Variants in LINGO2 observed in about 807,000 individuals in gnomAD.
LINGO2 encodes the protein leucine-rich repeat and immunoglobulin-like domain-containing nogo receptor-interacting protein 2.
LINGO2 carries 14 observed loss-of-function variants against 30.6 expected under a neutral mutation model. The ratio of observed to expected loss-of-function variants is 0.46; its 90% confidence interval spans 0.30 to 0.72. The LOEUF is 0.72. LINGO2 is among the 30% of genes least tolerant of loss of function. The probability of loss-of-function intolerance (pLI) is 0.07; values close to 1 mark genes in which losing one functional copy is unlikely to be tolerated. For synonymous variants in LINGO2, 317 were observed against 288.5 expected (o/e 1.10, Z -1.00); for missense variants, 729 against 751.7 (o/e 0.97, Z 0.35).
the LINGO2 span, among the ~76,000 whole-genome samples, chr9:28,796,541 CT>C: frequency 2.6e-5 from 4 of 151,934 alleles, no homozygotes; most frequent in Non-Finnish European, 5.9e-5. Flanking sequence ...TGCACTAAAT[CT>C]ATTGAAATGT....
intron 1 of LINGO2, among the ~76,000 whole-genome samples, chr9:28,615,923 T>G (rs1284864028): frequency 6.6e-6 from 1 of 152,164 alleles, no homozygotes; most frequent in African/African-American, 2.4e-5. Context: ...ATATATACTG[T>G]ATGACTCCAT....
chr9:28,858,458 T>C, the LINGO2 span, among the ~76,000 whole-genome samples: 1 of 152,106 alleles, frequency 6.6e-6, no homozygotes, highest in Non-Finnish European at 1.5e-5. Flanking sequence ...ATAACCACTA[T>C]ATTTTCATTT....
At chr9:29,114,338 A>AC in the LINGO2 span, among the ~76,000 whole-genome samples, 1 of 150,440 alleles carries the variant, frequency 6.6e-6, no homozygotes, top group South Asian at 2.1e-4. Flanking sequence ...AACCAAGTCC[A>AC]CCCCTAAGCC....
At chr9:28,483,883 A>G (rs1430315843) in intron 1 of LINGO2, among the ~76,000 whole-genome samples, 1 of 151,978 alleles carries the variant, frequency 6.6e-6, no homozygotes, top group African/African-American at 2.4e-5. Context: ...TTTTAAACAC[A>G]TTCTATTTCC....
chr9:28,217,680 A>C (rs533177388), intron 4 of LINGO2, among the ~76,000 whole-genome samples: 5 of 151,954 alleles, frequency 3.3e-5, no homozygotes, highest in Admixed American at 1.3e-4. Context: ...AATAGCCTTC[A>C]CATTCTGACT....
intron 3 of LINGO2, among the ~76,000 whole-genome samples, chr9:28,311,893 T>C (rs887484752): frequency 6.6e-6 from 1 of 152,196 alleles, no homozygotes; most frequent in Non-Finnish European, 1.5e-5. Context: ...TAAGTATCCA[T>C]GAAATCTTCA....
chr9:28,426,935 G>T (rs1383106819), intron 2 of LINGO2, among the ~76,000 whole-genome samples: 1 of 151,834 alleles, frequency 6.6e-6, no homozygotes, highest in African/African-American at 2.4e-5. Flanking sequence ...GATTTTTACT[G>T]GTATTCTTAT....
chr9:28,697,092 A>G, the LINGO2 span, among the ~76,000 whole-genome samples: 8 of 151,922 alleles, frequency 5.3e-5, no homozygotes, highest in Non-Finnish European at 8.8e-5. Flanking sequence ...AAATTTTATG[A>G]ACAGTATGTT....
At chr9:28,938,370 A>C in the LINGO2 span, among the ~76,000 whole-genome samples, 2 of 152,118 alleles carry the variant, frequency 1.3e-5, no homozygotes, top group African/African-American at 4.8e-5. Flanking sequence ...TTTAAGTTCA[A>C]TTTCCTTTTT....
chr9:28,467,508 T>A (rs936399726), intron 2 of LINGO2, among the ~76,000 whole-genome samples: 6 of 152,220 alleles, frequency 3.9e-5, no homozygotes, highest in Non-Finnish European at 8.8e-5. Flanking sequence ...AAATCATATA[T>A]CTAAAATGAA....
chr9:29,175,767 C>T, the LINGO2 span, among the ~76,000 whole-genome samples: 1 of 152,008 alleles, frequency 6.6e-6, no homozygotes, highest in Admixed American at 6.6e-5. Flanking sequence ...CCTCGTGATC[C>T]ACCCACCTCA....
At chr9:28,642,366 T>G (rs1827632156) in intron 1 of LINGO2, among the ~76,000 whole-genome samples, 1 of 152,142 alleles carries the variant, frequency 6.6e-6, no homozygotes, top group East Asian at 1.9e-4. Context: ...TTGTCCATAA[T>G]CAATACCATC....
rs986020212 is a variant in LINGO2, at chr9:28,407,175, G to C, written c.-278-34307C>G. Among the ~76,000 whole-genome samples, 3 of 150,874 alleles carry C rather than the reference G, an allele frequency of 2.0e-5. No homozygotes were observed. The South Asian group carries it at 6.3e-4, about 32-fold the overall frequency. On this transcript the variant is annotated intron_variant, in intron 2 of 5. Coordinates refer to ENST00000379992, the Ensembl canonical transcript of LINGO2. The stretch of plus-strand genomic sequence containing the variant: ...TTATCAAGATAAGGAAAGAAGGAAG[G>C]ACATAAGAAAGGGAAGAAAAGAAAG...
chr9:28,278,390 T>C (rs1374355586), intron 4 of LINGO2, among the ~76,000 whole-genome samples: 1 of 152,198 alleles, frequency 6.6e-6, no homozygotes, highest in Admixed American at 6.5e-5. Context: ...CCATCTAGGA[T>C]TTTCATAGCT....
At chr9:28,637,220 T>C (rs956573072) in intron 1 of LINGO2, among the ~76,000 whole-genome samples, 35 of 152,208 alleles carry the variant, frequency 2.3e-4, no homozygotes, top group Non-Finnish European at 7.3e-5. Context: ...TTTTGGTTAC[T>C]GTAGCCTTGT....
At chr9:28,343,498 T>C (rs16912713) in intron 3 of LINGO2, among the ~76,000 whole-genome samples, 5,003 of 152,282 alleles carry the variant, frequency 0.033, 283 homozygotes, top group African/African-American at 0.11. Context: ...AAGATTGTTC[T>C]GTATACATAG....
At chr9:28,256,478 C>G (rs181499559) in intron 4 of LINGO2, among the ~76,000 whole-genome samples, 6 of 151,578 alleles carry the variant, frequency 4.0e-5, no homozygotes, top group Admixed American at 6.6e-5. Context: ...CTTTCAAATG[C>G]AATAGACAGA....
intron 4 of LINGO2, among the ~76,000 whole-genome samples, chr9:28,167,828 G>A (rs1564013943): frequency 6.6e-6 from 1 of 152,200 alleles, no homozygotes; most frequent in South Asian, 2.1e-4. Context: ...AGATAAAAGA[G>A]CCCACCAGGT....
intron 1 of LINGO2, among the ~76,000 whole-genome samples, chr9:28,495,713 T>C (rs1218408674): frequency 6.6e-6 from 1 of 152,206 alleles, no homozygotes. Flanking sequence ...TTTGAATGTG[T>C]TTGCTCTTGC....
Sources: gnomAD v4.1 joint callset for allele counts (sites outside exome capture counted in the v4.1 genomes callset) on GRCh38, gnomAD v4.1.1 for gene constraint, MANE v1.5 for transcripts, NCBI Gene and HGNC (gene_info 2026-07-23, HGNC 2026-07-21) for gene names.